VTI1A: variants seen among roughly 807,000 people sequenced by gnomAD.
VTI1A encodes the protein vesicle transport through interaction with t-SNAREs 1A.
Under a neutral mutation model 34.9 loss-of-function variants are expected in VTI1A, and 22 were observed. The ratio of observed to expected loss-of-function variants is 0.63; its 90% CI spans 0.45 to 0.90. VTI1A has a LOEUF of 0.90. VTI1A is among the 40% of genes least tolerant of loss of function. The pLI is 0.00. For missense variants in VTI1A, 268 were observed against 275.6 expected (o/e 0.97, Z 0.20); for synonymous variants, 87 against 97.3 (o/e 0.89, Z 0.62).
At chr10:112,450,944 C>T (rs1847213871) in intron 1 of VTI1A, among the ~76,000 whole-genome samples, 1 of 152,104 alleles carries the variant, frequency 6.6e-6, no homozygotes, top group African/African-American at 2.4e-5. Flanking sequence ...GAATGTTTTC[C>T]TCTGGTGCAA....
chr10:112,737,029 G>A (rs1449745491), intron 7 of VTI1A: 3 of 513,908 alleles, frequency 5.8e-6, no homozygotes, highest in East Asian at 5.9e-5. Flanking sequence ...ATAATCAAGG[G>A]AGAAACCCAT....
At chr10:112,759,924 GACAA>G (rs1342540580) in intron 7 of VTI1A, among the ~76,000 whole-genome samples, 1 of 152,158 alleles carries the variant, frequency 6.6e-6, no homozygotes, top group African/African-American at 2.4e-5. Flanking sequence ...AATTAAACAA[GACAA>G]ACAAAAACAC....
In VTI1A at chr10:112,697,865, CATGTGTGT is replaced by C. The variant is rs1312701393; in HGVS notation, c.560+28868_560+28875del. Reference sequence around the variant, plus strand: ...TTTTGTTTCTCTGTATTAGCATTTACATGTGTGTGTGTGTGTGTGTGTGTGTGTGTGTG... The same window carrying C: ...TTTTGTTTCTCTGTATTAGCATTTACGTGTGTGTGTGTGTGTGTGTGTGTG... On this transcript the variant is annotated intron_variant, in intron 7 of 7. Transcript: ENST00000393077. Among the ~76,000 whole-genome samples the C allele has an allele frequency of 4.2e-4, 53 of 126,208 alleles. No individual in the cohort carries two copies. The East Asian group carries it at 9.4e-3, about 22-fold the overall frequency. 82.8% of individuals were successfully genotyped at this position (126,208 alleles called of 152,430 possible). A position where few individuals can be genotyped will look rare whatever the true frequency, so the allele number is the denominator to read the frequency against.
intron 5 of VTI1A, among the ~76,000 whole-genome samples, chr10:112,629,260 G>C (rs745406527): frequency 6.6e-6 from 1 of 152,238 alleles, no homozygotes; most frequent in Non-Finnish European, 1.5e-5. Flanking sequence ...CCTCCTTAGG[G>C]ACAGGGCACC....
At chr10:112,601,598 T>C (rs1230736184) in intron 5 of VTI1A, among the ~76,000 whole-genome samples, 1 of 152,204 alleles carries the variant, frequency 6.6e-6, no homozygotes, top group Admixed American at 6.5e-5. Context: ...GGAAGTAGGT[T>C]TGTCCTGTTT....
At chr10:112,546,700 A>G (rs959638195) in intron 5 of VTI1A, among the ~76,000 whole-genome samples, 1 of 152,158 alleles carries the variant, frequency 6.6e-6, no homozygotes, top group South Asian at 2.1e-4. Context: ...AGGCATATTC[A>G]TCACAATTTC....
chr10:112,447,615 G>C (rs1846938193), intron 1 of VTI1A, 148 bp downstream of exon 1: 2 of 934,094 alleles, frequency 2.1e-6, no homozygotes, highest in South Asian at 3.1e-5. Context: ...GCTTGGCTTG[G>C]TTGAGGGTAA....
chr10:112,558,736 T>C (rs1054399569), intron 5 of VTI1A, among the ~76,000 whole-genome samples: 10 of 152,156 alleles, frequency 6.6e-5, no homozygotes, highest in Admixed American at 3.9e-4. Flanking sequence ...CATATCTCAA[T>C]TGAGAGACAC....
the VTI1A span, among the ~76,000 whole-genome samples, chr10:112,842,840 G>C: frequency 6.6e-6 from 1 of 152,210 alleles, no homozygotes; most frequent in Non-Finnish European, 1.5e-5. Context: ...GTAGCTGTCA[G>C]GGGGGTTGGT....
At chr10:112,632,081 G>C (rs1846149497) in intron 5 of VTI1A, among the ~76,000 whole-genome samples, 2 of 152,112 alleles carry the variant, frequency 1.3e-5, no homozygotes, top group African/African-American at 4.8e-5. Context: ...CCAAGTTAGT[G>C]TCCATCAGTT....
intron 5 of VTI1A, among the ~76,000 whole-genome samples, chr10:112,562,108 T>C (rs2134333938): frequency 6.6e-6 from 1 of 152,310 alleles, no homozygotes; most frequent in South Asian, 2.1e-4. Context: ...TGCCTATTTT[T>C]CTGCTTCTCA....
At chr10:112,562,692 A>C (rs1214516509) in intron 5 of VTI1A, among the ~76,000 whole-genome samples, 4 of 152,098 alleles carry the variant, frequency 2.6e-5, no homozygotes, top group African/African-American at 9.7e-5. Context: ...TCATCTTCCT[A>C]AAGGAGAGAA....
chr10:112,486,460 C>G (rs561366486), intron 3 of VTI1A, among the ~76,000 whole-genome samples: 2 of 152,062 alleles, frequency 1.3e-5, no homozygotes, highest in East Asian at 1.9e-4. Flanking sequence ...TTTGGAAATC[C>G]TTATTACAGT....
chr10:112,506,090 A>G (rs1173929626), intron 3 of VTI1A, among the ~76,000 whole-genome samples: 1 of 152,062 alleles, frequency 6.6e-6, no homozygotes, highest in Non-Finnish European at 1.5e-5. Flanking sequence ...TTGCCATTTC[A>G]TTGTGTGAAC....
intron 5 of VTI1A, among the ~76,000 whole-genome samples, chr10:112,568,652 C>T (rs969447222): frequency 5.3e-5 from 8 of 152,260 alleles, no homozygotes; most frequent in African/African-American, 9.6e-5. Flanking sequence ...ATAAGATCCC[C>T]GTCTTATCCT....
chr10:112,464,367 T>C (rs1037339722), intron 2 of VTI1A, among the ~76,000 whole-genome samples, 180 bp from the exon 3 acceptor site: 4 of 152,234 alleles, frequency 2.6e-5, no homozygotes, highest in African/African-American at 9.6e-5. Flanking sequence ...CTCAGAATTG[T>C]TGAACTAAAG....
intron 3 of VTI1A, among the ~76,000 whole-genome samples, chr10:112,512,382 A>G (rs2134182854): frequency 6.6e-6 from 1 of 152,190 alleles, no homozygotes; most frequent in East Asian, 1.9e-4. Flanking sequence ...TACTTTGCCC[A>G]CTTTCAAATG....
the VTI1A span, among the ~76,000 whole-genome samples, chr10:112,843,763 T>C: frequency 6.6e-6 from 1 of 152,120 alleles, no homozygotes; most frequent in African/African-American, 2.4e-5. Flanking sequence ...CTCAAGGTCA[T>C]CATGTGGTCA....
At chr10:112,471,367 A>ATTTTTTTTTTTTTTT (rs576549183) in intron 3 of VTI1A, among the ~76,000 whole-genome samples, 14 of 94,368 alleles carry the variant, frequency 1.5e-4, no homozygotes, top group Non-Finnish European at 2.3e-4. Flanking sequence ...ATTCTTATTG[A>ATTTTTTTTTTTTTTT]TTTTTTTTTT....
Sources: gnomAD v4.1 joint callset for allele counts (sites outside exome capture counted in the v4.1 genomes callset) on GRCh38, gnomAD v4.1.1 for gene constraint, MANE v1.5 for transcripts, NCBI Gene and HGNC (gene_info 2026-07-23, HGNC 2026-07-21) for gene names.